PDE10A: variants seen among roughly 807,000 people sequenced by gnomAD.
PDE10A encodes cAMP and cAMP-inhibited cGMP 3',5'-cyclic phosphodiesterase 10A.
In PDE10A, 39 loss-of-function variants were observed where a neutral mutation model predicts 97.7. The observed-to-expected ratio is 0.40, with a 90% CI of 0.31 to 0.52. PDE10A has a LOEUF of 0.52. PDE10A is among the 20% of genes least tolerant of loss of function. PDE10A has a pLI of 0.56. For synonymous variants in PDE10A, 371 were observed against 376.8 expected (o/e 0.98, Z 0.18); for missense variants, 731 against 1,047.8 (o/e 0.70, Z 4.17).
At chr6:165,695,808 T>A (rs967320557) in intron 1 of PDE10A, among the ~76,000 whole-genome samples, 1 of 152,142 alleles carries the variant, frequency 6.6e-6, no homozygotes, top group South Asian at 2.1e-4. Context: ...GAATGAGACA[T>A]CTGGCAGGAG....
At chr6:165,945,745 C>T (rs1448737536) in intron 1 of PDE10A, among the ~76,000 whole-genome samples, 1 of 152,168 alleles carries the variant, frequency 6.6e-6, no homozygotes, top group South Asian at 2.1e-4. Flanking sequence ...ATTGTAGTAG[C>T]CTGACTAGCC....
At chr6:165,336,354 G>A (rs1781646491) in intron 20 of PDE10A, 143 bp from the exon 21 acceptor site, 1 of 642,850 alleles carries the variant, frequency 1.6e-6, no homozygotes. Flanking sequence ...TGTGATATCT[G>A]GGTTCCATGA....
chr6:165,652,049 T>C (rs575268294), intron 1 of PDE10A, among the ~76,000 whole-genome samples: 4 of 152,252 alleles, frequency 2.6e-5, no homozygotes, highest in Non-Finnish European at 5.9e-5. Flanking sequence ...ACTGAGGTTT[T>C]ATAAGTAGAT....
chr6:165,470,331 T>C (rs1388213160), intron 3 of PDE10A, among the ~76,000 whole-genome samples: 1 of 152,236 alleles, frequency 6.6e-6, no homozygotes, highest in Non-Finnish European at 1.5e-5. Context: ...TCCAGCCTTC[T>C]GTACGGTCAA....
intron 1 of PDE10A, among the ~76,000 whole-genome samples, chr6:165,872,801 C>A (rs112997366): frequency 1.0e-3 from 157 of 152,290 alleles, no homozygotes; most frequent in African/African-American, 3.5e-3. Flanking sequence ...TATCCTGAGA[C>A]CACAGAACAC....
At chr6:165,925,211 C>G (rs1782897841) in intron 1 of PDE10A, among the ~76,000 whole-genome samples, 1 of 152,160 alleles carries the variant, frequency 6.6e-6, no homozygotes, top group Non-Finnish European at 1.5e-5. Context: ...ATACACCTGT[C>G]ACAATACAAA....
chr6:165,497,853 C>T (rs1172107885), intron 2 of PDE10A, among the ~76,000 whole-genome samples: 2 of 152,096 alleles, frequency 1.3e-5, no homozygotes, highest in Admixed American at 6.5e-5. Flanking sequence ...ATGATCATGA[C>T]AGAAGAAACA....
chr6:165,649,396 G>A (rs1292919188), intron 1 of PDE10A, among the ~76,000 whole-genome samples: 1 of 152,122 alleles, frequency 6.6e-6, no homozygotes, highest in African/African-American at 2.4e-5. Context: ...GGCCCACTGA[G>A]ACACTCCCAG....
chr6:165,773,798 A>G (rs1433882423), intron 1 of PDE10A, among the ~76,000 whole-genome samples: 1 of 152,220 alleles, frequency 6.6e-6, no homozygotes, highest in Non-Finnish European at 1.5e-5. Flanking sequence ...GTAAACAGAC[A>G]GAAAAACTGT....
intron 2 of PDE10A, among the ~76,000 whole-genome samples, chr6:165,534,089 C>T (rs1583484861): frequency 6.6e-6 from 1 of 151,746 alleles, no homozygotes; most frequent in Admixed American, 6.6e-5. Context: ...TCAAACAAAA[C>T]CAGATATGAC....
chr6:165,721,068 G>C (rs1162718647), intron 1 of PDE10A, among the ~76,000 whole-genome samples: 1 of 152,198 alleles, frequency 6.6e-6, no homozygotes, highest in Non-Finnish European at 1.5e-5. Context: ...ACCTTTTTCA[G>C]GGTTAAGGAG....
At chr6:165,849,372 C>T (rs540796236) in intron 1 of PDE10A, among the ~76,000 whole-genome samples, 211 of 152,298 alleles carry the variant, frequency 1.4e-3, no homozygotes, top group African/African-American at 5.0e-3. Flanking sequence ...TCATCCATCC[C>T]GCTTTTGGGG....
At chr6:165,518,511 C>T (rs1781947902) in intron 2 of PDE10A, among the ~76,000 whole-genome samples, 1 of 152,152 alleles carries the variant, frequency 6.6e-6, no homozygotes, top group African/African-American at 2.4e-5. Flanking sequence ...AGCTGTCTGG[C>T]TTACGGGATC....
At chr6:165,928,629 T>C (rs888207889) in intron 1 of PDE10A, among the ~76,000 whole-genome samples, 2 of 152,076 alleles carry the variant, frequency 1.3e-5, no homozygotes, top group African/African-American at 4.8e-5. Flanking sequence ...CTACAGGAAA[T>C]AAAAGGCAAA....
chr6:165,848,371 G>C (rs1780481284), intron 1 of PDE10A, among the ~76,000 whole-genome samples: 1 of 152,204 alleles, frequency 6.6e-6, no homozygotes, highest in Non-Finnish European at 1.5e-5. Context: ...AGGAGTGCCT[G>C]TGCGTGCAGA....
chr6:165,883,835 A>G (rs1433797108), intron 1 of PDE10A, among the ~76,000 whole-genome samples: 1 of 152,170 alleles, frequency 6.6e-6, no homozygotes, highest in African/African-American at 2.4e-5. Context: ...CTCAAGCTAA[A>G]GAGACACAGG....
At chr6:165,747,993 G>C (rs530769986) in intron 1 of PDE10A, among the ~76,000 whole-genome samples, 1 of 152,114 alleles carries the variant, frequency 6.6e-6, no homozygotes, top group Non-Finnish European at 1.5e-5. Context: ...TATTGTTGCC[G>C]CAGCCAATAG....
At chr6:165,405,356 T>C (rs1047299802) in intron 13 of PDE10A, among the ~76,000 whole-genome samples, 1 of 152,152 alleles carries the variant, frequency 6.6e-6, no homozygotes, top group Non-Finnish European at 1.5e-5. Context: ...CAAATTTTAA[T>C]GAAAAGCAAC....
At chr6:165,376,905 C>A (rs1263072706) in intron 18 of PDE10A, among the ~76,000 whole-genome samples, 1 of 152,064 alleles carries the variant, frequency 6.6e-6, no homozygotes, top group Admixed American at 6.5e-5. Flanking sequence ...CTGAACAAGA[C>A]CCCATCTTTA....
Sources: allele counts gnomAD v4.1 joint callset (sites outside exome capture counted in the v4.1 genomes callset), GRCh38; gene constraint gnomAD v4.1.1; transcripts MANE v1.5; gene names NCBI Gene and HGNC (gene_info 2026-07-23, HGNC 2026-07-21).